Variants in ENTREP2 observed in about 807,000 individuals in gnomAD.
ENTREP2 encodes the protein protein ENTREP2.
At chr15:29,186,182 T>G in the ENTREP2 span, among the ~76,000 whole-genome samples, 7 of 152,320 alleles carry the variant, frequency 4.6e-5, no homozygotes, top group South Asian at 1.2e-3. Context: ...GTGCTAACCC[T>G]AAACAGAACC....
At chr15:29,258,403 A>G in the ENTREP2 span, among the ~76,000 whole-genome samples, 1 of 152,232 alleles carries the variant, frequency 6.6e-6, no homozygotes, top group East Asian at 1.9e-4. Flanking sequence ...GAAGCCAACA[A>G]GAGACTACCC....
the ENTREP2 span, among the ~76,000 whole-genome samples, chr15:29,475,826 C>A: frequency 3.2e-3 from 487 of 152,274 alleles, 2 homozygotes; most frequent in Non-Finnish European, 4.5e-3. Flanking sequence ...CAGGCCTTCC[C>A]GAGAGGAGAG....
chr15:29,519,157 T>TCACA, the ENTREP2 span, among the ~76,000 whole-genome samples: 1 of 147,234 alleles, frequency 6.8e-6, no homozygotes, highest in African/African-American at 2.7e-5. Flanking sequence ...TCTCTCTCTC[T>TCACA]CTCACACACA....
At chr15:29,403,580 C>A in the ENTREP2 span, among the ~76,000 whole-genome samples, 1 of 152,204 alleles carries the variant, frequency 6.6e-6, no homozygotes, top group Non-Finnish European at 1.5e-5. Context: ...ACAATAGGAA[C>A]TGAAGCTGTC....
chr15:29,322,671 T>C, the ENTREP2 span, among the ~76,000 whole-genome samples: 2 of 152,344 alleles, frequency 1.3e-5, no homozygotes, highest in Admixed American at 6.5e-5. Flanking sequence ...TTGTGTAAAG[T>C]GTCGACTTGC....
chr15:29,470,180 A>G, the ENTREP2 span, among the ~76,000 whole-genome samples: 1 of 152,172 alleles, frequency 6.6e-6, no homozygotes, highest in Non-Finnish European at 1.5e-5. Flanking sequence ...GTGTGTGAAC[A>G]CGGGCAGGAT....
At chr15:29,564,351 A>C in the ENTREP2 span, among the ~76,000 whole-genome samples, 1 of 152,176 alleles carries the variant, frequency 6.6e-6, no homozygotes, top group African/African-American at 2.4e-5. Context: ...TCACTGTTAA[A>C]GCAGTTTTTG....
chr15:29,359,771 TG>T, the ENTREP2 span, among the ~76,000 whole-genome samples: 1 of 152,244 alleles, frequency 6.6e-6, no homozygotes, highest in Admixed American at 6.5e-5. Flanking sequence ...AAAACAAATT[TG>T]AAACCTTTGA....
the ENTREP2 span, among the ~76,000 whole-genome samples, chr15:29,568,417 C>T: frequency 6.6e-6 from 1 of 152,142 alleles, no homozygotes; most frequent in Admixed American, 6.5e-5. Flanking sequence ...ATAGGTCGGG[C>T]ACAGTGGCTC....
chr15:29,164,644 T>C, the ENTREP2 span, among the ~76,000 whole-genome samples: 6 of 152,172 alleles, frequency 3.9e-5, no homozygotes, highest in East Asian at 1.2e-3. Context: ...CCTAAAAATA[T>C]ATGCATCTAA....
At chr15:29,628,534 A>T in the ENTREP2 span, among the ~76,000 whole-genome samples, 1 of 152,198 alleles carries the variant, frequency 6.6e-6, no homozygotes, top group Non-Finnish European at 1.5e-5. Flanking sequence ...GATCATGTTG[A>T]TTGATGGTGA....
At chr15:29,496,527 T>C in the ENTREP2 span, among the ~76,000 whole-genome samples, 1 of 152,108 alleles carries the variant, frequency 6.6e-6, no homozygotes, top group Non-Finnish European at 1.5e-5. Flanking sequence ...CTCTCAACCA[T>C]TTATGGTTGA....
the ENTREP2 span, among the ~76,000 whole-genome samples, chr15:29,556,636 C>G: frequency 1.3e-5 from 2 of 152,208 alleles, no homozygotes; most frequent in East Asian, 3.9e-4. Context: ...ACACACCCGG[C>G]TGACTCCCGC....
At chr15:29,670,559 G>A in the ENTREP2 span, among the ~76,000 whole-genome samples, 5 of 152,220 alleles carry the variant, frequency 3.3e-5, no homozygotes, top group Non-Finnish European at 5.9e-5. Flanking sequence ...GGGCACTGTT[G>A]TCCCTTCTGG....
the ENTREP2 span, among the ~76,000 whole-genome samples, chr15:29,295,455 C>T: frequency 3.3e-5 from 5 of 152,212 alleles, no homozygotes; most frequent in Admixed American, 1.3e-4. Context: ...CAGCACAGTA[C>T]TCATCCCTTA....
At chr15:29,562,443 CTAATGA>C in the ENTREP2 span, among the ~76,000 whole-genome samples, 1 of 152,128 alleles carries the variant, frequency 6.6e-6, no homozygotes, top group African/African-American at 2.4e-5. Context: ...GAGAAAAAGA[CTAATGA>C]TAATTGAGAA....
chr15:29,450,736 T>C, the ENTREP2 span, among the ~76,000 whole-genome samples: 1 of 152,152 alleles, frequency 6.6e-6, no homozygotes, highest in African/African-American at 2.4e-5. Flanking sequence ...AATGGTAGAC[T>C]GGGTAAAGAA....
At chr15:29,581,720 TA>T in the ENTREP2 span, among the ~76,000 whole-genome samples, 1 of 151,980 alleles carries the variant, frequency 6.6e-6, no homozygotes, top group Non-Finnish European at 1.5e-5. Flanking sequence ...GTTTTTTTTT[TA>T]AAAGACATAT....
At chr15:29,219,617 A>T in the ENTREP2 span, among the ~76,000 whole-genome samples, 5 of 10,946 alleles carry the variant, frequency 4.6e-4, no homozygotes, top group African/African-American at 1.4e-3. Flanking sequence ...GTGCATAAAT[A>T]TATATATATA....
Sources: gnomAD v4.1 joint callset for allele counts (sites outside exome capture counted in the v4.1 genomes callset) on GRCh38, gnomAD v4.1.1 for gene constraint, MANE v1.5 for transcripts, NCBI Gene and HGNC (gene_info 2026-07-23, HGNC 2026-07-21) for gene names.